Variants in BOD1L1 observed in about 807,000 individuals in gnomAD.
BOD1L1 encodes the protein biorientation of chromosomes in cell division protein 1-like 1.
A neutral mutation model predicts 240.7 loss-of-function variants in BOD1L1; 86 were observed. The ratio of observed to expected loss-of-function variants is 0.36; its 90% CI spans 0.30 to 0.43. BOD1L1 has a LOEUF of 0.43. Ranked by LOEUF, BOD1L1 falls within the 20% of genes least tolerant of loss-of-function variation. BOD1L1 has a pLI of 1.00. For missense variants in BOD1L1, 3,554 were observed against 3,643.5 expected, an observed-to-expected ratio of 0.98 and a Z score of 0.63; for synonymous variants, 1,268 against 1,272.3, an observed-to-expected ratio of 1.00 and a Z score of 0.07.
At chr4:13,571,087 C>T (rs968060904) in intron 25 of BOD1L1, among the ~76,000 whole-genome samples, 3 of 152,148 alleles carry the variant, frequency 2.0e-5, no homozygotes, top group East Asian at 1.9e-4. Flanking sequence ...AATGTGAGCA[C>T]CAGCTGTATT....
At chr4:13,575,812 A>G (rs1256312569) in intron 25 of BOD1L1, among the ~76,000 whole-genome samples, 9 of 152,306 alleles carry the variant, frequency 5.9e-5, no homozygotes, top group African/African-American at 2.2e-4. Flanking sequence ...GATATAGGCC[A>G]ACAACAGAAA....
chr4:13,572,816 C>T lies in BOD1L1; in HGVS notation c.9039-2688G>A, dbSNP rs188793965. 147 of 1,289,712 alleles carry T rather than the reference C, an allele frequency of 1.1e-4. 1 individual carries two copies. The Middle Eastern group carries it at 1.3e-3, about 11-fold the overall frequency. The allele number at this position is 1,289,712 out of a possible 1,614,324, so 79.9% of individuals were successfully genotyped here. On this transcript the variant is annotated intron_variant, in intron 25 of 25. Coordinates refer to ENST00000040738, the MANE Select transcript of BOD1L1 (RefSeq NM_148894.3). ...TGGGCTGCCAAGTTTGGATGTTGCA[C>T]GTGCAGATGGCTTGCTATGTTGCTT...
Position 13,603,983 on chromosome 4 carries a change from C to T in BOD1L1, c.2917G>A (p.Val973Ile), listed in dbSNP as rs373974475. ...KPFEETGVEP[V>I]LETASSSAHS... is the part of the protein sequence containing the mutation. ...GCTGAAGAAGAAGCAGTCTCTAATA[C>T]AGGTTCAACACCAGTTTCTTCAAAA... The change falls in exon 10 of 26, where the codon GTA (valine) becomes ATA (isoleucine). Residue 973 changes from valine to isoleucine, a missense_variant. Val to Ile is a conservative substitution (Grantham distance 29). Around this residue, in one of 2 missense-constraint regions of BOD1L1, gnomAD observed 3,393 missense variants for 3,427.1 expected, o/e 0.99. Transcript: ENST00000040738. The T allele has an allele frequency of 4.5e-5, 73 of 1,613,790 alleles. No homozygotes were observed. Among genetic ancestry groups the T allele is most frequent in the Non-Finnish European group, 5.8e-5 (69 of 1,179,876 alleles).
rs1560188009 is a variant in BOD1L1 at position 13,588,807 on chromosome 4, CA to C, written c.8210-16del. ...ACTGGATATCTCTGAGTAATAAATA[CA>C]AAAAAGAAAAAAAAATCTTAAATAT... On this transcript the variant is annotated splice_polypyrimidine_tract_variant and intron_variant, in intron 14 of 25. Coordinates refer to ENST00000040738, the MANE Select transcript of BOD1L1 (RefSeq NM_148894.3). 6.6e-7 allele frequency: 1 copy of C among 1,523,148 alleles called. No individual in the cohort carries two copies. Among genetic ancestry groups the C allele is most frequent in the Non-Finnish European group, 8.8e-7 (1 of 1,132,814 alleles). 94.4% of individuals were successfully genotyped at this position (1,523,148 alleles called of 1,614,324 possible).
chr4:13,617,628 A>C (rs950737353), intron 2 of BOD1L1, among the ~76,000 whole-genome samples: 2 of 152,184 alleles, frequency 1.3e-5, no homozygotes, highest in Non-Finnish European at 1.5e-5. Flanking sequence ...GGATTTTCAG[A>C]TTCTGTTGTA....
At chr4:13,598,848 G>T in intron 10 of BOD1L1, 98 bp downstream of exon 10, 1 of 1,273,358 alleles carries the variant, frequency 7.9e-7, no homozygotes, top group Non-Finnish European at 1.1e-6. Context: ...TTATCTTTCT[G>T]GAACCAAAAC....
chr4:13,580,124 T>G (rs550208245), intron 21 of BOD1L1, 151 bp from the exon 22 acceptor site: 10 of 587,284 alleles, frequency 1.7e-5, no homozygotes, highest in African/African-American at 1.5e-4. Context: ...TAAGTATACC[T>G]AGCAAACATG....
chr4:13,588,320 T>C (rs937649551), intron 15 of BOD1L1, among the ~76,000 whole-genome samples: 1 of 152,214 alleles, frequency 6.6e-6, no homozygotes, highest in African/African-American at 2.4e-5. Context: ...TCTAGCTACA[T>C]ACTATATTTC....
chr4:13,582,845 T>C (rs1049693312), intron 17 of BOD1L1, 109 bp from the exon 18 acceptor site: 1 of 687,162 alleles, frequency 1.5e-6, no homozygotes, highest in South Asian at 1.9e-5. Context: ...TCCTAGCTCT[T>C]TTTAAGGATA....
chr4:13,627,562 G>A lies in BOD1L1; in HGVS notation c.26C>T (p.Pro9Leu). The A allele has an allele frequency of 8.8e-7, 1 of 1,138,054 alleles. No homozygotes were observed. Among genetic ancestry groups the A allele is most frequent in the Non-Finnish European group, 1.1e-6 (1 of 927,646 alleles). 70.5% of individuals were successfully genotyped at this position (1,138,054 alleles called of 1,614,324 possible). The stretch of plus-strand genomic sequence containing the variant: ...GGGAGGCGGCGGCGCCGGAGGAGGC[G>A]GCTGCGGCTGTGGGTTGGTGGCCAT... Reference protein sequence around the residue: MATNPQPQPPPPAPPPPPP... With the variant: MATNPQPQLPPPAPPPPPP... The change falls in exon 1 of 26, where the codon CCG becomes CTG. Residue 9 changes from proline to leucine, a missense_variant. By Grantham distance (98) the Pro-to-Leu change is moderately conservative. Around this residue, in one of 2 missense-constraint regions of BOD1L1, gnomAD observed 161 missense variants for 216.4 expected, o/e 0.74. Coordinates refer to ENST00000040738, the MANE Select transcript of BOD1L1 (RefSeq NM_148894.3).
Position 13,599,669 on chromosome 4 carries a change from G to A in BOD1L1, c.7231C>T (p.Pro2411Ser). 4 of 1,613,884 alleles carry A rather than the reference G, an allele frequency of 2.5e-6. No homozygotes were observed. In the South Asian group the frequency reaches 4.4e-5, roughly 18 times the overall value. ...AVSTEEGHNG[P>S]SVHKPSAGQG... The stretch of plus-strand genomic sequence containing the variant: ...CCTGCAGAGGGCTTGTGGACTGATG[G>A]CCCGTTGTGCCCCTCCTCGGTGCTC... Residue 2411 changes from proline to serine, a missense_variant, in exon 10 of 26, where the codon CCA becomes TCA. Around this residue, in one of 2 missense-constraint regions of BOD1L1, gnomAD observed 3,393 missense variants for 3,427.1 expected, o/e 0.99. Transcript: ENST00000040738.
intron 1 of BOD1L1, among the ~76,000 whole-genome samples, chr4:13,621,043 C>T (rs979470996): frequency 2.0e-5 from 3 of 152,126 alleles, no homozygotes; most frequent in Non-Finnish European, 4.4e-5. Flanking sequence ...GACAATCCCC[C>T]GACAGCAAAG....
rs1433905885 is a variant in BOD1L1 at position 13,614,268 on chromosome 4, C to G, written c.1102G>C (p.Glu368Gln). The G allele has an allele frequency of 2.6e-6, 4 of 1,545,878 alleles. No homozygotes were observed. The highest frequency in any genetic ancestry group is 3.5e-6 in the Non-Finnish European group (4 of 1,145,392). ...GAAGGAAGTTTTAAACTCTCTACTT[C>G]TTTTTCCTTTGCTTGTTTTTCATCT... Reference protein sequence around the residue: ...VKDEKQAKEKEVESLKLPSEK... With the variant: ...VKDEKQAKEKQVESLKLPSEK... Residue 368 changes from glutamate (E) to glutamine (Q), a missense_variant, in exon 4 of 26, where the codon GAA becomes CAA. Transcript: ENST00000040738.
chr4:13,601,314 C>T lies in BOD1L1; in HGVS notation c.5586G>A (p.Glu1862=). 3 of 1,614,006 alleles carry T rather than the reference C, an allele frequency of 1.9e-6. No individual in the cohort carries two copies. The highest frequency in any genetic ancestry group is 2.2e-5 in the East Asian group (1 of 44,880). ...CAACATCCTCCCCTTCCTCGTCTTC[C>T]TCTTTTGCGCCTGTGCTAGTCACAA... ...EGIVTSTGAK[E]EDEEGEDVVT... Residue 1862 remains glutamate (E), a synonymous_variant, in exon 10 of 26, where the codon GAG becomes GAA. Coordinates refer to ENST00000040738, the MANE Select transcript of BOD1L1 (RefSeq NM_148894.3).
In BOD1L1 at chr4:13,587,754, C is replaced by G; in HGVS notation, c.8298G>C (p.Arg2766Ser). The G allele has an allele frequency of 6.4e-7, 1 of 1,556,510 alleles. No individual in the cohort carries two copies. Among genetic ancestry groups the G allele is most frequent in the South Asian group, 1.2e-5 (1 of 84,602 alleles). ...GCTTTCTTTTTCTTTTAGGCATATG[C>G]CTTTCTTCCTCTTCAACCTGGAATT... ...ADPKEVEEEE[R>S]HMPKRKRKQH... The change falls in exon 16 of 26, where the codon AGG becomes AGC. Residue 2766 changes from arginine to serine, a missense_variant. By Grantham distance (110) the Arg-to-Ser change is moderately radical. Transcript: ENST00000040738.
rs1451253776 is a variant in BOD1L1, at chr4:13,600,601, C to G, written c.6299G>C (p.Arg2100Thr). Reference protein sequence around the residue: ...DVEGGLSDALRTEENMEGTRV... With the variant: ...DVEGGLSDALTTEENMEGTRV... ...GGTACCTTCCATATTTTCTTCAGTT[C>G]TCAGAGCATCTGAGAGACCTCCTTC... Residue 2100 changes from arginine to threonine, a missense_variant, in exon 10 of 26, where the codon AGA becomes ACA. Physicochemically the swap from Arg to Thr is moderately conservative, Grantham distance 71. This residue lies in a region of BOD1L1 where 3,393 missense variants were observed against 3,427.1 expected (regional missense o/e 0.99). Transcript: ENST00000040738. 1.4e-5 allele frequency: 23 copies of G among 1,613,662 alleles called. No individual in the cohort carries two copies. Among genetic ancestry groups the G allele is most frequent in the Non-Finnish European group, 1.8e-5 (21 of 1,179,822 alleles).
In BOD1L1 at chr4:13,615,328, A is replaced by C; in HGVS notation, c.543T>G (p.Thr181=). The C allele has an allele frequency of 1.9e-6, 3 of 1,611,006 alleles. No homozygotes were observed. Among genetic ancestry groups the C allele is most frequent in the Non-Finnish European group, 2.5e-6 (3 of 1,178,426 alleles). ...NTAPDDEKPD[T]SLITQGVPTP... is the part of the protein sequence containing the mutation. Reference sequence around the variant, plus strand: ...GCAAAGCACCTTGTGTAATAAGGGAAGTGTCTGGTTTCTCATCATCGGGAG... The same window carrying C: ...GCAAAGCACCTTGTGTAATAAGGGACGTGTCTGGTTTCTCATCATCGGGAG... Residue 181 remains threonine, a synonymous_variant, in exon 3 of 26, where the codon ACT becomes ACG. Transcript: ENST00000040738.
In BOD1L1 at chr4:13,611,047, C is replaced by T. The variant is rs1577368380; in HGVS notation, c.1378G>A (p.Glu460Lys). Residue 460 changes from glutamate to lysine, a missense_variant, in exon 6 of 26, where the codon GAA becomes AAA. By Grantham distance (56) the Glu-to-Lys change is moderately conservative. This residue lies in a region of BOD1L1 where 3,393 missense variants were observed against 3,427.1 expected (regional missense o/e 0.99). Transcript: ENST00000040738. ...TGCCGTACACTTTTTGTTTTTCCTT[C>T]ACTAGAATCACTAGTTTGAGTTTTT... Reference protein sequence around the residue: ...KTKTQTSDSSEGKTKSVRHAY... With the variant: ...KTKTQTSDSSKGKTKSVRHAY... 1.2e-6 allele frequency: 2 copies of T among 1,611,210 alleles called. No individual in the cohort carries two copies. Among genetic ancestry groups the T allele is most frequent in the Non-Finnish European group, 1.7e-6 (2 of 1,178,130 alleles).
Position 13,599,755 on chromosome 4 carries a change from T to G in BOD1L1, c.7145A>C (p.Asn2382Thr), listed in dbSNP as rs1194505213. The change falls in exon 10 of 26, where the codon AAT becomes ACT. Residue 2382 changes from asparagine to threonine, a missense_variant. Physicochemically the swap from Asn to Thr is moderately conservative, Grantham distance 65 (BLOSUM62 0). Coordinates refer to ENST00000040738, the MANE Select transcript of BOD1L1 (RefSeq NM_148894.3). ...GACTGGCCCAGGACACCGACAGTTA[T>G]TCTCAGCAATTAGGCTGGGCATGGG... ...KVPMPSLIAE[N>T]NCRCPGPVRG... is the part of the protein sequence containing the mutation. 6.2e-6 allele frequency: 10 copies of G among 1,613,878 alleles called. No homozygotes were observed. Among genetic ancestry groups the G allele is most frequent in the Non-Finnish European group, 8.5e-6 (10 of 1,179,892 alleles).
Sources: gnomAD v4.1 joint callset for allele counts (sites outside exome capture counted in the v4.1 genomes callset) on GRCh38, gnomAD v4.1.1 for gene constraint, gnomAD v4.1.1 regional missense constraint, MANE v1.5 for transcripts, NCBI Gene and HGNC (gene_info 2026-07-23, HGNC 2026-07-21) for gene names.